EDA: variants seen among roughly 807,000 people sequenced by gnomAD.
EDA encodes ectodysplasin-A.
EDA carries 2 observed loss-of-function variants against 23.6 expected under a neutral mutation model. That is an observed-to-expected ratio of 0.08 (90% CI 0.03 to 0.27). The LOEUF (loss-of-function observed/expected upper bound fraction) is 0.27, where lower values mean the gene tolerates loss of function less well. Among genes scored for constraint, EDA ranks in the 10% least tolerant of loss-of-function variants. The pLI, the probability that EDA is intolerant of heterozygous loss-of-function variation, is 1.00. For synonymous variants in EDA, 131 were observed against 132.0 expected, an observed-to-expected ratio of 0.99 and a Z score of 0.05; for missense variants, 229 against 324.2, an observed-to-expected ratio of 0.71 and a Z score of 2.26.
intron 1 of EDA, among the ~76,000 whole-genome samples, chrX:69,710,616 C>T (rs2011962580): frequency 8.9e-6 from 1 of 111,863 alleles, no homozygotes; most frequent in African/African-American, 3.2e-5. Flanking sequence ...ATTCTTCCTA[C>T]CCATGAGCAT....
intron 1 of EDA, among the ~76,000 whole-genome samples, chrX:69,774,598 G>T (rs2014728180): frequency 9.0e-6 from 1 of 111,428 alleles, no homozygotes; most frequent in Non-Finnish European, 1.9e-5. Flanking sequence ...ACATAGTTTT[G>T]TTTTGGGCGT....
At chrX:69,752,503 A>G (rs2013922985) in intron 1 of EDA, among the ~76,000 whole-genome samples, 1 of 111,896 alleles carries the variant, frequency 8.9e-6, no homozygotes, top group Non-Finnish European at 1.9e-5. Context: ...GGATTTTTGC[A>G]TCGATGTTCA....
At chrX:69,881,224 GT>G (rs1030864733) in intron 1 of EDA, among the ~76,000 whole-genome samples, 5 of 109,864 alleles carry the variant, frequency 4.6e-5, no homozygotes, top group African/African-American at 1.7e-4. Flanking sequence ...CTCTTAAGGG[GT>G]TGATCCTGAG....
At chrX:69,934,622 TTTA>T (rs1430093572) in intron 1 of EDA, among the ~76,000 whole-genome samples, 2 of 111,681 alleles carry the variant, frequency 1.8e-5, no homozygotes, top group African/African-American at 3.3e-5. Flanking sequence ...GTTAAATTTT[TTTA>T]TTTTTAATTT....
At chrX:69,948,881 C>T (rs1602557621) in intron 1 of EDA, among the ~76,000 whole-genome samples, 1 of 111,571 alleles carries the variant, frequency 9.0e-6, no homozygotes, top group Admixed American at 9.5e-5. Flanking sequence ...AAAGTGCGTT[C>T]AATGCCATCT....
intron 1 of EDA, among the ~76,000 whole-genome samples, chrX:69,760,520 T>A (rs1427920793): frequency 8.9e-6 from 1 of 112,044 alleles, no homozygotes; most frequent in Non-Finnish European, 1.9e-5. Flanking sequence ...TTATCCAGCC[T>A]CTTTTTCACT....
intron 1 of EDA, among the ~76,000 whole-genome samples, chrX:69,797,251 A>G (rs1344208197): frequency 2.7e-5 from 3 of 111,446 alleles, no homozygotes; most frequent in African/African-American, 9.8e-5. Flanking sequence ...CCAAACACAT[A>G]CATAGCAAAA....
chrX:69,834,884 C>T (rs1042558901), intron 1 of EDA, among the ~76,000 whole-genome samples: 1 of 111,627 alleles, frequency 9.0e-6, no homozygotes. Context: ...GTGTTTCCTT[C>T]AGGAGCTCTT....
At chrX:69,898,307 T>G (rs2018048671) in intron 1 of EDA, among the ~76,000 whole-genome samples, 1 of 112,000 alleles carries the variant, frequency 8.9e-6, no homozygotes, top group Non-Finnish European at 1.9e-5. Context: ...GCATGGTGGC[T>G]CACGCCTGTA....
intron 1 of EDA, among the ~76,000 whole-genome samples, chrX:69,825,252 G>A (rs1240990342): frequency 3.3e-5 from 3 of 89,760 alleles, no homozygotes; most frequent in Admixed American, 1.2e-4. Context: ...TCTATTGATT[G>A]GAATAGTTTC....
chrX:69,770,887 A>T (rs1272836527), intron 1 of EDA, among the ~76,000 whole-genome samples: 13 of 111,101 alleles, frequency 1.2e-4, no homozygotes, highest in African/African-American at 3.6e-4. Context: ...TGTTGACTTA[A>T]TTTTGTGTAT....
chrX:69,971,925 T>C (rs1179407195), intron 2 of EDA, among the ~76,000 whole-genome samples: 1 of 111,630 alleles, frequency 9.0e-6, no homozygotes, highest in African/African-American at 3.2e-5. Flanking sequence ...GCTTAAGAGA[T>C]GGTCAGTAGA....
chrX:69,824,477 T>C (rs1390856240), intron 1 of EDA, among the ~76,000 whole-genome samples: 5 of 110,436 alleles, frequency 4.5e-5, no homozygotes, highest in Non-Finnish European at 9.5e-5. Flanking sequence ...ATGGGAGTTC[T>C]CTCATGATTT....
At chrX:69,686,945 G>A (rs1934563633) in intron 1 of EDA, among the ~76,000 whole-genome samples, 1 of 111,672 alleles carries the variant, frequency 9.0e-6, no homozygotes, top group South Asian at 3.7e-4. Context: ...ATACCTACAA[G>A]TGGAATTGCT....
At chrX:69,906,050 G>C (rs748263910) in intron 1 of EDA, among the ~76,000 whole-genome samples, 2 of 111,578 alleles carry the variant, frequency 1.8e-5, no homozygotes, top group Non-Finnish European at 3.8e-5. Context: ...TATGTCTTCT[G>C]TTTATCTTTG....
chrX:69,657,764 T>C (rs1263954139), intron 1 of EDA, among the ~76,000 whole-genome samples: 2 of 111,982 alleles, frequency 1.8e-5, no homozygotes, highest in Non-Finnish European at 3.8e-5. Context: ...TTGTCAACTT[T>C]GTCAAAGATC....
At chrX:69,719,308 C>T (rs1002423258) in intron 1 of EDA, among the ~76,000 whole-genome samples, 2 of 106,445 alleles carry the variant, frequency 1.9e-5, no homozygotes, top group Admixed American at 1.0e-4. Context: ...ATGTTTTCCT[C>T]ATAGTTTCTT....
At chrX:69,767,865 G>C (rs1357621352) in intron 1 of EDA, among the ~76,000 whole-genome samples, 1 of 111,721 alleles carries the variant, frequency 9.0e-6, no homozygotes, top group African/African-American at 3.2e-5. Context: ...GGTGTACTAA[G>C]TCTTTTTAAT....
chrX:69,627,456 A>G, intron 1 of EDA, among the ~76,000 whole-genome samples: 1 of 111,419 alleles, frequency 9.0e-6, no homozygotes, highest in South Asian at 3.9e-4. Flanking sequence ...AGGGATGCAT[A>G]TTAGTCTTAC....
Sources: gnomAD v4.1 joint callset for allele counts (sites outside exome capture counted in the v4.1 genomes callset) on GRCh38, gnomAD v4.1.1 for gene constraint, MANE v1.5 for transcripts, NCBI Gene and HGNC (gene_info 2026-07-23, HGNC 2026-07-21) for gene names.